The following MYH13 variants were observed in gnomAD, a reference collection of about 807,000 sequenced individuals.
MYH13 encodes the protein myosin heavy chain 13.
Under a neutral mutation model 232.1 loss-of-function variants are expected in MYH13, and 177 were observed. The ratio of observed to expected loss-of-function variants is 0.76; its 90% CI spans 0.67 to 0.86. The LOEUF is 0.86. Ranked by LOEUF, MYH13 falls within the 40% of genes least tolerant of loss-of-function variation. The pLI is 0.00. For missense variants in MYH13, 2,246 were observed against 2,405.9 expected (o/e 0.93, Z 1.39); for synonymous variants, 884 against 923.5 (o/e 0.96, Z 0.78).
intron 12 of MYH13, among the ~76,000 whole-genome samples, chr17:10,347,712 CTTTTTTTTTTTTTT>C (rs71139041): frequency 2.3e-5 from 2 of 86,724 alleles, no homozygotes; most frequent in African/African-American, 8.9e-5. Context: ...GGGACTACTT[CTTTTTTTTTTTTTT>C]TTTTTTTTTG....
At chr17:10,313,495 G>A in intron 29 of MYH13, 141 bp from the exon 30 acceptor site, 1 of 1,256,414 alleles carries the variant, frequency 8.0e-7, no homozygotes, top group Non-Finnish European at 1.1e-6. Flanking sequence ...ATATCACCTG[G>A]TTTATTTAAT....
intron 12 of MYH13, among the ~76,000 whole-genome samples, chr17:10,349,971 T>C (rs17810695): frequency 0.025 from 3,836 of 152,172 alleles, 136 homozygotes; most frequent in East Asian, 0.11. Flanking sequence ...GGACGTATGG[T>C]GGGGAGTCAG....
rs1906519309 is a variant in MYH13 at position 10,311,908 on chromosome 17, C to T, written c.4531+3G>A. On this transcript the variant is annotated splice_donor_region_variant and intron_variant, in intron 32 of 40. Transcript: ENST00000252172. Reference sequence around the variant, plus strand: ...GCACACACCAGTGGTGGAGACAGCTCACCTTGCAGATTTTTGTTCTCTCGC... The same window carrying T: ...GCACACACCAGTGGTGGAGACAGCTTACCTTGCAGATTTTTGTTCTCTCGC... The T allele has an allele frequency of 1.2e-6, 2 of 1,613,820 alleles. No homozygotes were observed. Among genetic ancestry groups the T allele is most frequent in the African/African-American group, 2.7e-5 (2 of 74,920 alleles).
At chr17:10,348,546 T>G (rs1416003662) in intron 12 of MYH13, among the ~76,000 whole-genome samples, 1 of 152,240 alleles carries the variant, frequency 6.6e-6, no homozygotes, top group Non-Finnish European at 1.5e-5. Flanking sequence ...ATTGGAGCAC[T>G]GGCCTTGATT....
chr17:10,366,948 G>A (rs2071842484), intron 2 of MYH13, among the ~76,000 whole-genome samples: 1 of 152,202 alleles, frequency 6.6e-6, no homozygotes, highest in Non-Finnish European at 1.5e-5. Flanking sequence ...CCATCTGTGG[G>A]TTCATGGTTA....
At chr17:10,312,302 C>T (rs894201331) in intron 31 of MYH13, among the ~76,000 whole-genome samples, 2 of 152,146 alleles carry the variant, frequency 1.3e-5, no homozygotes, top group Admixed American at 6.5e-5. Flanking sequence ...ACGGAATTAG[C>T]TTTCACTAAA....
At chr17:10,302,175 C>T (rs1906117115) in intron 39 of MYH13, among the ~76,000 whole-genome samples, 1 of 152,196 alleles carries the variant, frequency 6.6e-6, no homozygotes, top group Admixed American at 6.5e-5. Context: ...CCTGCCGATC[C>T]TGCTGGGACT....
intron 16 of MYH13, 63 bp downstream of exon 16, chr17:10,343,737 G>T: frequency 6.8e-7 from 1 of 1,477,618 alleles, no homozygotes; most frequent in Non-Finnish European, 9.0e-7. Context: ...TTCACAAGCA[G>T]CTCTGGGTTA....
chr17:10,308,648 TTTTTCTA>T (rs1003680835), intron 35 of MYH13, among the ~76,000 whole-genome samples: 2 of 152,048 alleles, frequency 1.3e-5, no homozygotes, highest in African/African-American at 4.8e-5. Context: ...ATTTACTTGT[TTTTTCTA>T]TTTTTTTAAA....
chr17:10,321,560 T>C lies in MYH13; in HGVS notation c.3083A>G (p.Asn1028Ser), dbSNP rs1230781939. Residue 1028 changes from asparagine (N) to serine (S), a missense_variant, in exon 24 of 41, where the codon AAT becomes AGT. Asn to Ser is a conservative substitution (Grantham distance 46). Coordinates refer to ENST00000252172, the MANE Select transcript of MYH13 (RefSeq NM_003802.3). ...ATCTGTTTGCTGTTCAAGCTTGGCA[T>C]TTATTTTGATTAGACCATTGACTTT... ...EDKVNGLIKI[N>S]AKLEQQTDDL... The C allele has an allele frequency of 6.2e-7, 1 of 1,612,918 alleles. No individual in the cohort carries two copies. Among genetic ancestry groups the C allele is most frequent in the Non-Finnish European group, 8.5e-7 (1 of 1,179,666 alleles).
At position 10,306,745 on chromosome 17, in the gene MYH13, A is replaced by C; in HGVS notation, c.5296-116T>G. 1 of 1,530,070 alleles carries C rather than the reference A, an allele frequency of 6.5e-7. No individual in the cohort carries two copies. The highest frequency in any genetic ancestry group is 1.3e-5 in the South Asian group (1 of 79,462). 94.8% of individuals were successfully genotyped at this position (1,530,070 alleles called of 1,614,324 possible). The stretch of plus-strand genomic sequence containing the variant: ...GAGCCTCCCCTGTCTGACTGGGGCC[A>C]GTCATTGCTGATTCCCCACAGCCTC... On this transcript the variant is annotated intron_variant, in intron 36 of 40. Coordinates refer to ENST00000252172, the MANE Select transcript of MYH13 (RefSeq NM_003802.3). This position sits in a 1 kb window ranked among gnomAD's most constrained non-coding sequence, Gnocchi z 4.3.
chr17:10,360,257 T>TG, intron 5 of MYH13, 69 bp from the exon 6 acceptor site: 1 of 1,537,142 alleles, frequency 6.5e-7, no homozygotes, highest in Non-Finnish European at 8.8e-7. Flanking sequence ...AAAGTAACAT[T>TG]GGGGGTGGTT....
intron 27 of MYH13, among the ~76,000 whole-genome samples, chr17:10,318,202 A>G (rs929499047): frequency 6.6e-6 from 1 of 152,234 alleles, no homozygotes; most frequent in Non-Finnish European, 1.5e-5. Context: ...AGATGGCGCC[A>G]CTGCAATCCA....
At chr17:10,335,535 C>T (rs1236876504) in intron 18 of MYH13, among the ~76,000 whole-genome samples, 1 of 152,102 alleles carries the variant, frequency 6.6e-6, no homozygotes, top group Non-Finnish European at 1.5e-5. Flanking sequence ...GGCGGATCGC[C>T]TGAGGTCAGG....
At chr17:10,342,548 A>G (rs978887488) in intron 16 of MYH13, among the ~76,000 whole-genome samples, 5 of 152,220 alleles carry the variant, frequency 3.3e-5, no homozygotes, top group African/African-American at 9.7e-5. Flanking sequence ...CAGTAGCCAG[A>G]AAGTTCATCG....
rs958930265 is a variant in MYH13 at position 10,328,019 on chromosome 17, A to T, written c.2538T>A (p.Ser846Arg). The change falls in exon 22 of 41, where the codon AGT becomes AGA. Residue 846 changes from serine (S) to arginine (R), a missense_variant. Transcript: ENST00000252172. Reference protein sequence around the residue: ...LFFKIKPLLKSAEAEKEMATM... With the variant: ...LFFKIKPLLKRAEAEKEMATM... ...TGGCCATCTCCTTCTCGGCCTCTGC[A>T]CTCTTCAGCAGGGGCTTGATTTTGA... 1 of 1,613,912 alleles carries T rather than the reference A, an allele frequency of 6.2e-7. No homozygotes were observed. Among genetic ancestry groups the T allele is most frequent in the African/African-American group, 1.3e-5 (1 of 74,950 alleles).
At chr17:10,351,855 G>C (rs2071713057) in intron 11 of MYH13, among the ~76,000 whole-genome samples, 1 of 152,186 alleles carries the variant, frequency 6.6e-6, no homozygotes, top group Non-Finnish European at 1.5e-5. Flanking sequence ...CCATTGGTAG[G>C]ATTGAAACAT....
At chr17:10,366,381 G>T (rs1379652635) in intron 2 of MYH13, among the ~76,000 whole-genome samples, 232 of 112,542 alleles carry the variant, frequency 2.1e-3, no homozygotes, top group Non-Finnish European at 2.8e-3. Context: ...AAATAAATCT[G>T]TTTTTTTTTT....
intron 30 of MYH13, among the ~76,000 whole-genome samples, 173 bp downstream of exon 30, chr17:10,312,985 A>G (rs1239632003): frequency 6.6e-6 from 1 of 151,986 alleles, no homozygotes; most frequent in East Asian, 1.9e-4. Context: ...GGTGGAATGG[A>G]CAGTTCCCGA....
Sources: gnomAD v4.1 joint callset for allele counts (sites outside exome capture counted in the v4.1 genomes callset) on GRCh38, gnomAD v4.1.1 for gene constraint, Gnocchi (gnomAD v3.1) non-coding constraint, MANE v1.5 for transcripts, NCBI Gene and HGNC (gene_info 2026-07-23, HGNC 2026-07-21) for gene names.